The following PCGF6 variants were observed in gnomAD, a reference collection of about 807,000 sequenced individuals.
The protein encoded by PCGF6 is polycomb group RING finger protein 6.
PCGF6 carries 24 observed loss-of-function variants against 45.5 expected under a neutral mutation model. That is an observed-to-expected ratio of 0.53 (90% CI 0.38 to 0.74). PCGF6 has a LOEUF of 0.74. Ranked by LOEUF, PCGF6 falls within the 30% of genes least tolerant of loss-of-function variation. PCGF6 has a pLI of 0.00. For synonymous variants in PCGF6, 152 were observed against 162.1 expected, an observed-to-expected ratio of 0.94 and a Z score of 0.47; for missense variants, 356 against 443.2, an observed-to-expected ratio of 0.80 and a Z score of 1.77.
intron 8 of PCGF6, among the ~76,000 whole-genome samples, chr10:103,315,990 G>A (rs1290465424): frequency 3.1e-4 from 35 of 112,514 alleles, no homozygotes; most frequent in African/African-American, 1.0e-3. Context: ...GTGTGTGTGT[G>A]TGTGTATATA....
rs1448003295 is a variant in PCGF6, at chr10:103,307,806, A to G, written c.997-3845T>C. ...TTTTATGATGCTTGCACAATCATTA[A>G]ATTGCCTAACAATGCATTTCTCAGA... On this transcript the variant is annotated intron_variant, in intron 9 of 9. Transcript: ENST00000369847. Among the ~76,000 whole-genome samples the G allele has an allele frequency of 5.9e-5, 9 of 152,304 alleles. No individual in the cohort carries two copies. In the East Asian group the frequency reaches 1.7e-3, roughly 29 times the overall value.
chr10:103,330,555 C>G (rs112756264), intron 7 of PCGF6, among the ~76,000 whole-genome samples: 205 of 152,190 alleles, frequency 1.3e-3, no homozygotes, highest in African/African-American at 3.8e-3. Context: ...TAAAAGTGTA[C>G]GATTAAATGG....
chr10:103,338,664 C>G (rs568786102), intron 6 of PCGF6, among the ~76,000 whole-genome samples: 1 of 151,038 alleles, frequency 6.6e-6, no homozygotes, highest in Non-Finnish European at 1.5e-5. Flanking sequence ...GTCAGGAGTT[C>G]GAGACCAGCC....
chr10:103,318,392 G>A (rs2093183936), intron 8 of PCGF6, among the ~76,000 whole-genome samples: 1 of 146,800 alleles, frequency 6.8e-6, no homozygotes, highest in Non-Finnish European at 1.5e-5. Context: ...GTAGTGAACC[G>A]AGATCGCGCC....
chr10:103,323,303 C>T lies in PCGF6; in HGVS notation c.909+3231G>A, dbSNP rs574624493. 8.7e-5 allele frequency among the ~76,000 whole-genome samples: 13 copies of T among 149,532 alleles called. No individual in the cohort carries two copies. The East Asian group carries it at 2.3e-3, about 27-fold the overall frequency. ...AAAAACACTAGCAAACTTTCAGTCACTTTTTTTTTTGAGTTGGAGTTTTGC... is the reference window on the plus strand; with the variant it reads ...AAAAACACTAGCAAACTTTCAGTCATTTTTTTTTTTGAGTTGGAGTTTTGC... On this transcript the variant is annotated intron_variant, in intron 8 of 9. Coordinates refer to ENST00000369847, the MANE Select transcript of PCGF6 (RefSeq NM_001011663.2).
At chr10:103,336,599 G>T (rs1346277738) in intron 6 of PCGF6, among the ~76,000 whole-genome samples, 2 of 152,182 alleles carry the variant, frequency 1.3e-5, no homozygotes, top group Non-Finnish European at 2.9e-5. Flanking sequence ...TTGCGGCCAG[G>T]TGCAGTAGGT....
Position 103,350,703 on chromosome 10 carries a change from A to G in PCGF6, c.360+4T>C, listed in dbSNP as rs2093317722. ...CAGCGGGGTCGCGCGGGGGCTCTAA[A>G]TACCTCCTCCTCGTCCTCCGAGTCC... On this transcript the variant is annotated splice_donor_region_variant and intron_variant, in intron 1 of 9. Transcript: ENST00000369847. 1 of 1,502,014 alleles carries G rather than the reference A, an allele frequency of 6.7e-7. No homozygotes were observed. The highest frequency in any genetic ancestry group is 1.4e-5 in the African/African-American group (1 of 70,730). 93.0% of individuals were successfully genotyped at this position (1,502,014 alleles called of 1,614,324 possible).
intron 8 of PCGF6, among the ~76,000 whole-genome samples, chr10:103,325,040 CAGG>C (rs2133572585): frequency 6.6e-6 from 1 of 151,374 alleles, no homozygotes; most frequent in South Asian, 2.1e-4. Flanking sequence ...AAGGCTGAGG[CAGG>C]AGAATCGCCT....
rs779292553 is a variant in PCGF6 at position 103,351,082 on chromosome 10, C to T, written c.-16G>A. The stretch of plus-strand genomic sequence containing the variant: ...CCCCCTCCATGGTCGGGAGAGACAC[C>T]AGGCGAGGCGAGGCGGCGGGAGAGC... On this transcript the variant is annotated 5_prime_UTR_variant, in exon 1 of 10. Coordinates refer to ENST00000369847, the MANE Select transcript of PCGF6 (RefSeq NM_001011663.2). The T allele has an allele frequency of 1.7e-5, 23 of 1,357,746 alleles. No homozygotes were observed. In the African/African-American group the frequency reaches 2.7e-4, roughly 16 times the overall value. 84.1% of individuals were successfully genotyped at this position (1,357,746 alleles called of 1,614,324 possible).
intron 6 of PCGF6, among the ~76,000 whole-genome samples, chr10:103,341,423 A>ATTTTTGTATTTTTTGTTTG (rs2093280371): frequency 1.3e-5 from 2 of 148,342 alleles, no homozygotes; most frequent in African/African-American, 5.0e-5. Context: ...TGCCTGGCTA[A>ATTTTTGTATTTTTTGTTTG]TTTTTGTATT....
At chr10:103,311,267 G>C (rs990116848) in intron 9 of PCGF6, among the ~76,000 whole-genome samples, 10 of 151,958 alleles carry the variant, frequency 6.6e-5, no homozygotes, top group African/African-American at 2.4e-4. Context: ...TCAGCCTCCC[G>C]AGTAGCTGGG....
At chr10:103,314,033 A>G in intron 9 of PCGF6, among the ~76,000 whole-genome samples, 153 bp downstream of exon 9, 1 of 152,206 alleles carries the variant, frequency 6.6e-6, no homozygotes, top group Non-Finnish European at 1.5e-5. Flanking sequence ...TACCTGACAC[A>G]CAGCAAGAAT....
At chr10:103,349,592 T>C (rs1259641721) in intron 1 of PCGF6, among the ~76,000 whole-genome samples, 1 of 142,316 alleles carries the variant, frequency 7.0e-6, no homozygotes, top group African/African-American at 2.6e-5. Flanking sequence ...GTGATTCTCC[T>C]ACCTCAGCCT....
In PCGF6 at chr10:103,325,816, T is replaced by G. The variant is rs1003399361; in HGVS notation, c.909+718A>C. 3.9e-4 allele frequency among the ~76,000 whole-genome samples: 58 copies of G among 150,164 alleles called. 1 individual carries two copies. Among genetic ancestry groups the G allele is most frequent in the African/African-American group, 1.4e-3 (56 of 40,834 alleles). On this transcript the variant is annotated intron_variant, in intron 8 of 9. Transcript: ENST00000369847. ...AGAGGATTACTTGAGGCCAGGAGTT[T>G]GAGACCAGCCTGGACAAAAGCAAGA...
intron 9 of PCGF6, among the ~76,000 whole-genome samples, chr10:103,306,589 A>G (rs1387635815): frequency 1.3e-5 from 2 of 151,916 alleles, no homozygotes; most frequent in African/African-American, 4.8e-5. Context: ...AAGCTTTTCC[A>G]TGGCTCCACT....
chr10:103,344,922 A>G (rs1243921972), intron 6 of PCGF6, 102 bp downstream of exon 6: 4 of 747,918 alleles, frequency 5.3e-6, no homozygotes, highest in African/African-American at 1.8e-5. Context: ...ATAATTTTCC[A>G]AGGGGATGTC....
At chr10:103,320,340 A>G (rs1380116625) in intron 8 of PCGF6, among the ~76,000 whole-genome samples, 9 of 152,180 alleles carry the variant, frequency 5.9e-5, no homozygotes, top group Non-Finnish European at 5.9e-5. Context: ...AGAAAGAAAC[A>G]TATTTGGATA....
intron 9 of PCGF6, among the ~76,000 whole-genome samples, chr10:103,306,750 T>A (rs977768137): frequency 2.6e-5 from 4 of 152,110 alleles, no homozygotes; most frequent in African/African-American, 9.7e-5. Flanking sequence ...GTATGTGAAG[T>A]CAATAGGGAA....
intron 9 of PCGF6, among the ~76,000 whole-genome samples, chr10:103,311,223 ACT>A (rs1160828814): frequency 6.7e-6 from 1 of 149,976 alleles, no homozygotes; most frequent in Non-Finnish European, 1.5e-5. Flanking sequence ...CTCACCGCAA[ACT>A]CTGCCTCCCG....
Sources: allele counts gnomAD v4.1 joint callset (sites outside exome capture counted in the v4.1 genomes callset), GRCh38; gene constraint gnomAD v4.1.1; transcripts MANE v1.5; gene names NCBI Gene and HGNC (gene_info 2026-07-23, HGNC 2026-07-21).